RPS6KA2: variants seen among roughly 807,000 people sequenced by gnomAD.
RPS6KA2 encodes the protein ribosomal protein S6 kinase alpha-2.
A neutral mutation model predicts 91.8 loss-of-function variants in RPS6KA2; 42 were observed. The ratio of observed to expected loss-of-function variants is 0.46; its 90% CI spans 0.36 to 0.59. RPS6KA2 has a LOEUF of 0.59. Among genes scored for constraint, RPS6KA2 ranks in the 20% least tolerant of loss-of-function variants. RPS6KA2 has a pLI of 0.00. For missense variants in RPS6KA2, 798 were observed against 978.5 expected (o/e 0.82, Z 2.46); for synonymous variants, 414 against 393.6 (o/e 1.05, Z -0.61).
intron 2 of RPS6KA2, among the ~76,000 whole-genome samples, chr6:166,633,287 T>C (rs1787139736): frequency 6.6e-6 from 1 of 152,108 alleles, no homozygotes; most frequent in Non-Finnish European, 1.5e-5. Context: ...AGAAAGGAAA[T>C]TGGGGCAGAG....
intron 1 of RPS6KA2, among the ~76,000 whole-genome samples, chr6:166,599,480 G>A (rs1352329577): frequency 6.6e-6 from 1 of 152,156 alleles, no homozygotes; most frequent in African/African-American, 2.4e-5. Context: ...AGCAATCCAT[G>A]TCAACCAAGA....
intron 1 of RPS6KA2, among the ~76,000 whole-genome samples, chr6:166,538,992 G>C (rs1229269155): frequency 1.3e-5 from 2 of 151,872 alleles, no homozygotes; most frequent in African/African-American, 4.9e-5. Flanking sequence ...CTGGAGTGCA[G>C]TGGCTGGATC....
chr6:166,499,576 C>A (rs899814409), intron 7 of RPS6KA2, among the ~76,000 whole-genome samples: 6 of 152,196 alleles, frequency 3.9e-5, no homozygotes, highest in Non-Finnish European at 7.3e-5. Flanking sequence ...TGGTTTTATA[C>A]AGGGCAGTTC....
chr6:166,811,416 A>G (rs766576021), intron 2 of RPS6KA2, among the ~76,000 whole-genome samples: 7 of 152,206 alleles, frequency 4.6e-5, no homozygotes, highest in Non-Finnish European at 1.0e-4. Context: ...GGGCTGCCCA[A>G]AACCTAACTA....
In RPS6KA2 at chr6:166,459,073, A is replaced by G. The variant is rs79814163; in HGVS notation, c.1075+376T>C. Reference sequence around the variant, plus strand: ...AATAATATCTATAGCTCATAAATCTATAGACATAACTGACAGCCTTCCCTC... The same window carrying G: ...AATAATATCTATAGCTCATAAATCTGTAGACATAACTGACAGCCTTCCCTC... On this transcript the variant is annotated intron_variant, in intron 12 of 20. Transcript: ENST00000265678. The surrounding 1 kb of genome is among the most constrained non-coding windows in gnomAD (Gnocchi z 4.9). 0.026 allele frequency among the ~76,000 whole-genome samples: 3,969 copies of G among 152,296 alleles called. 182 individuals carry two copies. The highest frequency in any genetic ancestry group is 0.091 in the African/African-American group (3,763 of 41,538).
At chr6:166,425,277 C>T (rs949012707) in intron 16 of RPS6KA2, among the ~76,000 whole-genome samples, 12 of 151,490 alleles carry the variant, frequency 7.9e-5, no homozygotes, top group Non-Finnish European at 1.6e-4. Context: ...AAAATTTGAG[C>T]TCTTTTAGGG....
At chr6:166,436,825 G>A (rs1337869063) in intron 14 of RPS6KA2, among the ~76,000 whole-genome samples, 1 of 152,146 alleles carries the variant, frequency 6.6e-6, no homozygotes, top group Non-Finnish European at 1.5e-5. Flanking sequence ...GGATTATAGG[G>A]CACATCCTGG....
At chr6:166,847,980 C>T (rs1780648520) in intron 2 of RPS6KA2, among the ~76,000 whole-genome samples, 1 of 152,236 alleles carries the variant, frequency 6.6e-6, no homozygotes, top group African/African-American at 2.4e-5. Context: ...AGACAACCCA[C>T]AGGGTGGAAG....
intron 16 of RPS6KA2, among the ~76,000 whole-genome samples, chr6:166,428,654 A>G (rs1183008696): frequency 6.7e-6 from 1 of 150,246 alleles, no homozygotes; most frequent in East Asian, 1.9e-4. Context: ...GGACATGAAC[A>G]GACACTTCTC....
chr6:166,632,167 G>A (rs539317652), upstream of RPS6KA2, among the ~76,000 whole-genome samples: 1 of 152,262 alleles, frequency 6.6e-6, no homozygotes, highest in Admixed American at 6.5e-5. Context: ...GTCTCCCCAT[G>A]TCTGGCTTAT....
chr6:166,459,429 G>A lies in RPS6KA2; in HGVS notation c.1075+20C>T, dbSNP rs1182554685. 1.3e-6 allele frequency: 2 copies of A among 1,567,426 alleles called. No individual in the cohort carries two copies. On this transcript the variant is annotated intron_variant, in intron 12 of 20. Transcript: ENST00000265678. This position sits in a 1 kb window ranked among gnomAD's most constrained non-coding sequence, Gnocchi z 4.9. ...CAGGTGGGAGAAGCCACCGATAGAG[G>A]GAACCACTGTGGCACACACCTGTGG...
chr6:166,432,223 A>G (rs1336138618), intron 15 of RPS6KA2, among the ~76,000 whole-genome samples, 178 bp downstream of exon 15: 2 of 152,200 alleles, frequency 1.3e-5, no homozygotes, highest in Non-Finnish European at 2.9e-5. Flanking sequence ...GGTGGCTGTC[A>G]AAAAGACTTG....
chr6:166,828,082 G>GT (rs1053468650), intron 2 of RPS6KA2, among the ~76,000 whole-genome samples: 8 of 152,246 alleles, frequency 5.3e-5, no homozygotes, highest in Non-Finnish European at 1.0e-4. Context: ...GGAGGAAAAA[G>GT]TAAGTACAAA....
Position 166,791,546 on chromosome 6 carries a change from A to G in RPS6KA2, c.123+66654T>C, listed in dbSNP as rs183577846. Among the ~76,000 whole-genome samples, 183 of 152,314 alleles carry G rather than the reference A, an allele frequency of 1.2e-3. 2 individuals are homozygous for G. Among genetic ancestry groups the G allele is most frequent in the African/African-American group, 4.0e-3 (166 of 41,556 alleles). Reference sequence around the variant, plus strand: ...GACATCTACAGAACTCTCCACCCCAAATCAACAGAATGTACATTCTTCTCA... The same window carrying G: ...GACATCTACAGAACTCTCCACCCCAGATCAACAGAATGTACATTCTTCTCA... On this transcript the variant is annotated intron_variant, in intron 2 of 21. Transcript: ENST00000503859.
chr6:166,636,909 A>T (rs545450636), intron 2 of RPS6KA2, among the ~76,000 whole-genome samples: 34 of 152,274 alleles, frequency 2.2e-4, no homozygotes, highest in East Asian at 3.9e-4. Flanking sequence ...GCCAATTTTT[A>T]AAAAAAAGTG....
chr6:166,451,266 C>A, intron 12 of RPS6KA2, 33 bp from the exon 13 acceptor site: 1 of 1,610,662 alleles, frequency 6.2e-7, no homozygotes, highest in Non-Finnish European at 8.5e-7. Context: ...TCAGATGCCA[C>A]GAAAGCTGGG....
At position 166,490,055 on chromosome 6, in the gene RPS6KA2, T is replaced by C. The variant is rs756685359; in HGVS notation, c.818+616A>G. ...TCACATTTAGGATGCTATGGCAAGG[T>C]GGTATGGGGATCAGGCTTCTTCCTA... On this transcript the variant is annotated intron_variant, in intron 9 of 20. Transcript: ENST00000265678. The surrounding 1 kb of genome is among the most constrained non-coding windows in gnomAD (Gnocchi z 4.2). 9.9e-5 allele frequency among the ~76,000 whole-genome samples: 15 copies of C among 152,038 alleles called. No individual in the cohort carries two copies. Among genetic ancestry groups the C allele is most frequent in the Admixed American group, 4.6e-4 (7 of 15,252 alleles).
chr6:166,415,184 A>G (rs576683361), intron 19 of RPS6KA2, among the ~76,000 whole-genome samples: 46 of 152,392 alleles, frequency 3.0e-4, no homozygotes, highest in African/African-American at 1.1e-3. Flanking sequence ...TTTTTTATAC[A>G]GAAAAATCTA....
At chr6:166,617,852 T>A (rs1427836153) in intron 1 of RPS6KA2, among the ~76,000 whole-genome samples, 3 of 152,236 alleles carry the variant, frequency 2.0e-5, no homozygotes, top group Non-Finnish European at 4.4e-5. Context: ...AAACGCCAAG[T>A]CCAGCCTGCG....
Sources: allele counts gnomAD v4.1 joint callset (sites outside exome capture counted in the v4.1 genomes callset), GRCh38; gene constraint gnomAD v4.1.1; non-coding constraint Gnocchi (gnomAD v3.1); transcripts MANE v1.5; gene names NCBI Gene and HGNC (gene_info 2026-07-23, HGNC 2026-07-21).